The following LRRFIP1 variants were observed in gnomAD, a reference collection of about 807,000 sequenced individuals.
LRRFIP1 encodes LRR binding FLII interacting protein 1, also known as leucine-rich repeat flightless-interacting protein 1.
A neutral mutation model predicts 104.4 loss-of-function variants in LRRFIP1; 62 were observed. That is an observed-to-expected ratio of 0.59 (90% confidence interval 0.48 to 0.73). LRRFIP1 has a LOEUF of 0.73. Among genes scored for constraint, LRRFIP1 ranks in the 30% least tolerant of loss-of-function variants. LRRFIP1 has a pLI of 0.00. For missense variants in LRRFIP1, 796 were observed against 824.5 expected, an observed-to-expected ratio of 0.97 and a Z score of 0.42; for synonymous variants, 300 against 299.0, an observed-to-expected ratio of 1.00 and a Z score of -0.03.
At chr2:237,676,113 T>A (rs1488982547) in intron 1 of LRRFIP1, among the ~76,000 whole-genome samples, 1 of 152,222 alleles carries the variant, frequency 6.6e-6, no homozygotes, top group African/African-American at 2.4e-5. Context: ...CTGTACACAT[T>A]AAACACTGAC....
intron 20 of LRRFIP1, 200 bp from the exon 21 acceptor site, chr2:237,771,881 T>TTA: frequency 1.8e-6 from 1 of 556,658 alleles, no homozygotes; most frequent in South Asian, 2.2e-5. Flanking sequence ...ACTTTAGAAA[T>TTA]GACTTTTCTC....
chr2:237,751,646 T>C (rs1354786531), intron 14 of LRRFIP1, among the ~76,000 whole-genome samples: 1 of 152,284 alleles, frequency 6.6e-6, no homozygotes, highest in Non-Finnish European at 1.5e-5. Flanking sequence ...ACAAAAATGC[T>C]TCAGTTGATT....
Position 237,766,707 on chromosome 2 carries a change from T to C in LRRFIP1, c.1460-3236T>C, listed in dbSNP as rs1175786191. Among the ~76,000 whole-genome samples the C allele has an allele frequency of 6.6e-6, 1 of 152,174 alleles. No individual in the cohort carries two copies. The highest frequency in any genetic ancestry group is 1.5e-5 in the Non-Finnish European group (1 of 68,030). ...AGCCCTCCAGTAGGGAATGGACAGC[T>C]GAAAATCCATGAGCAAGAAAGAAGG... is the stretch of plus-strand genomic sequence containing the variant. On this transcript the variant is annotated intron_variant, in intron 19 of 23. Transcript: ENST00000308482. This position sits in a 1 kb window ranked among gnomAD's most constrained non-coding sequence, Gnocchi z 4.8.
intron 2 of LRRFIP1, among the ~76,000 whole-genome samples, chr2:237,713,144 G>T (rs1454828553): frequency 6.6e-6 from 1 of 151,906 alleles, no homozygotes; most frequent in Non-Finnish European, 1.5e-5. Flanking sequence ...CATGGAGCGT[G>T]TACGGAGAGG....
intron 1 of LRRFIP1, among the ~76,000 whole-genome samples, chr2:237,684,667 A>AG (rs2092187064): frequency 1.3e-5 from 2 of 152,020 alleles, no homozygotes; most frequent in Non-Finnish European, 2.9e-5. Context: ...TTTTCTTCAC[A>AG]GGAGAGCTGC....
At chr2:237,681,678 C>CATTTTTTTTTTTTTT (rs2091839121) in intron 1 of LRRFIP1, among the ~76,000 whole-genome samples, 1 of 44,908 alleles carries the variant, frequency 2.2e-5, no homozygotes, top group South Asian at 8.0e-4. Context: ...CAGTCCTATT[C>CATTTTTTTTTTTTTT]TTTTTTTTTT....
At chr2:237,635,868 G>A (rs775665506) in intron 1 of LRRFIP1, among the ~76,000 whole-genome samples, 3 of 152,064 alleles carry the variant, frequency 2.0e-5, no homozygotes, top group Non-Finnish European at 2.9e-5. Flanking sequence ...GGAGGGCAGT[G>A]AGTGGATCAC....
Position 237,682,123 on chromosome 2 carries a change from A to G in LRRFIP1, c.97-26421A>G, listed in dbSNP as rs188645818. Among the ~76,000 whole-genome samples, 4 of 152,304 alleles carry G rather than the reference A, an allele frequency of 2.6e-5. No individual in the cohort carries two copies. The East Asian group carries it at 7.7e-4, about 29-fold the overall frequency. ...TTTTAAACCTAGTCCAAGCTAACTG[A>G]GTGATGCTAGACCTTCCCGCAACTT... On this transcript the variant is annotated intron_variant, in intron 1 of 23. Coordinates refer to ENST00000308482, the MANE Select transcript of LRRFIP1 (RefSeq NM_001137550.2).
intron 19 of LRRFIP1, among the ~76,000 whole-genome samples, chr2:237,761,732 TCCC>T (rs2059892254): frequency 6.6e-6 from 1 of 152,172 alleles, no homozygotes; most frequent in African/African-American, 2.4e-5. Context: ...TCCTAATATT[TCCC>T]CCATTTTCCC....
intron 1 of LRRFIP1, among the ~76,000 whole-genome samples, chr2:237,674,576 G>T (rs903697094): frequency 3.3e-5 from 5 of 152,216 alleles, no homozygotes; most frequent in African/African-American, 9.6e-5. Context: ...GAAGACAAAA[G>T]AACTGCATTT....
chr2:237,698,829 T>A (rs2093348809), intron 1 of LRRFIP1, among the ~76,000 whole-genome samples: 1 of 152,224 alleles, frequency 6.6e-6, no homozygotes, highest in Non-Finnish European at 1.5e-5. Context: ...ACACTGGAGT[T>A]CTGAAGCTGT....
At chr2:237,681,470 G>A (rs1346545596) in intron 1 of LRRFIP1, among the ~76,000 whole-genome samples, 3 of 150,236 alleles carry the variant, frequency 2.0e-5, no homozygotes, top group Non-Finnish European at 4.4e-5. Context: ...GGGTTCAAGC[G>A]ATTCTCCCAC....
At chr2:237,732,197 C>T (rs146580946) in intron 8 of LRRFIP1, among the ~76,000 whole-genome samples, 1 of 152,174 alleles carries the variant, frequency 6.6e-6, no homozygotes, top group Non-Finnish European at 1.5e-5. Flanking sequence ...CTCCCTCCCC[C>T]GTGAGTGCAT....
intron 1 of LRRFIP1, among the ~76,000 whole-genome samples, chr2:237,683,697 T>C (rs1286159450): frequency 1.3e-5 from 2 of 152,220 alleles, no homozygotes; most frequent in Non-Finnish European, 2.9e-5. Flanking sequence ...AGCCTTTATT[T>C]TCCTTTATGG....
In LRRFIP1 at chr2:237,683,706, G is replaced by C. The variant is rs148730234; in HGVS notation, c.97-24838G>C. Among the ~76,000 whole-genome samples, 578 of 152,244 alleles carry C rather than the reference G, an allele frequency of 3.8e-3. 3 individuals are homozygous for C. The highest frequency in any genetic ancestry group is 0.013 in the African/African-American group (527 of 41,542). On this transcript the variant is annotated intron_variant, in intron 1 of 23. Coordinates refer to ENST00000308482, the MANE Select transcript of LRRFIP1 (RefSeq NM_001137550.2). ...TGTTTTAGCCTTTATTTTCCTTTAT[G>C]GAAATTCATTTTCTTGGAAAGATCA...
At chr2:237,690,238 G>C (rs1456110046) in intron 1 of LRRFIP1, among the ~76,000 whole-genome samples, 1 of 152,134 alleles carries the variant, frequency 6.6e-6, no homozygotes, top group South Asian at 2.1e-4. Context: ...CACAGGGTTC[G>C]GGGTGTTGAG....
chr2:237,749,567 G>A (rs1422214914), intron 13 of LRRFIP1, among the ~76,000 whole-genome samples: 3 of 152,012 alleles, frequency 2.0e-5, no homozygotes, highest in African/African-American at 4.8e-5. Flanking sequence ...GGCCCCCTGC[G>A]CCCCTCAGCA....
At chr2:237,686,989 G>A (rs1250351772) in intron 1 of LRRFIP1, among the ~76,000 whole-genome samples, 2 of 152,254 alleles carry the variant, frequency 1.3e-5, no homozygotes, top group Non-Finnish European at 2.9e-5. Context: ...CCACCAGGAA[G>A]ACAGCTAAGG....
chr2:237,773,260 G>A (rs1001431877), intron 22 of LRRFIP1, among the ~76,000 whole-genome samples: 1 of 152,154 alleles, frequency 6.6e-6, no homozygotes, highest in Non-Finnish European at 1.5e-5. Flanking sequence ...TTAATTGGCC[G>A]AGCGCAGTGG....
Sources: gnomAD v4.1 joint callset for allele counts (sites outside exome capture counted in the v4.1 genomes callset) on GRCh38, gnomAD v4.1.1 for gene constraint, Gnocchi (gnomAD v3.1) non-coding constraint, MANE v1.5 for transcripts, NCBI Gene and HGNC (gene_info 2026-07-23, HGNC 2026-07-21) for gene names.